The following TGM3 variants were observed in gnomAD, a reference collection of about 807,000 sequenced individuals.
TGM3 encodes protein-glutamine gamma-glutamyltransferase E.
TGM3 carries 52 observed loss-of-function variants against 73.8 expected under a neutral mutation model. The observed-to-expected ratio is 0.70, with a 90% confidence interval of 0.56 to 0.89. The LOEUF is 0.89. Ranked by LOEUF, TGM3 falls within the 40% of genes least tolerant of loss-of-function variation. The probability of loss-of-function intolerance (pLI) is 0.00; values close to 1 mark genes in which losing one functional copy is unlikely to be tolerated. For missense variants in TGM3, 928 were observed against 909.9 expected, an observed-to-expected ratio of 1.02 and a Z score of -0.26; for synonymous variants, 372 against 354.9, an observed-to-expected ratio of 1.05 and a Z score of -0.54.
At chr20:2,321,869 G>A (rs2084264651) in intron 7 of TGM3, among the ~76,000 whole-genome samples, 1 of 152,204 alleles carries the variant, frequency 6.6e-6, no homozygotes. Context: ...CATGAGGGAG[G>A]AACCAGGATG....
chr20:2,314,707 C>A (rs1243040909), intron 5 of TGM3, among the ~76,000 whole-genome samples: 1 of 151,798 alleles, frequency 6.6e-6, no homozygotes, highest in Non-Finnish European at 1.5e-5. Context: ...GGTGACACAG[C>A]AAAAGCCTAT....
chr20:2,317,136 C>T lies in TGM3; in HGVS notation c.738C>T (p.Asp246=). Residue 246 remains aspartate (D), a synonymous_variant, in exon 6 of 13, where the codon GAC becomes GAT. Transcript: ENST00000381458. ...NWSGTYTGGR[D]PRSWNGSVEI... ...GCGGCACTTACACCGGTGGCCGGGA[C>T]CCAAGGAGCTGGAACGGCAGCGTGG... 1 of 1,613,978 alleles carries T rather than the reference C, an allele frequency of 6.2e-7. No homozygotes were observed. The highest frequency in any genetic ancestry group is 8.5e-7 in the Non-Finnish European group (1 of 1,179,994).
intron 1 of TGM3, among the ~76,000 whole-genome samples, chr20:2,299,091 T>C (rs2084127740): frequency 6.6e-6 from 1 of 152,092 alleles, no homozygotes; most frequent in Non-Finnish European, 1.5e-5. Flanking sequence ...GCTCTCTGGA[T>C]CAAGGCTCCA....
At chr20:2,301,210 T>C (rs955798159) in intron 1 of TGM3, among the ~76,000 whole-genome samples, 4 of 151,568 alleles carry the variant, frequency 2.6e-5, no homozygotes, top group African/African-American at 9.7e-5. Context: ...AGATGGGTGC[T>C]GAGCAGGAAA....
intron 1 of TGM3, among the ~76,000 whole-genome samples, chr20:2,302,375 G>A (rs1249113376): frequency 1.3e-5 from 2 of 152,126 alleles, no homozygotes; most frequent in East Asian, 1.9e-4. Flanking sequence ...AATGGGCAGG[G>A]GTTATATTAA....
chr20:2,309,059 A>G (rs1444251995), intron 1 of TGM3, among the ~76,000 whole-genome samples: 3 of 152,086 alleles, frequency 2.0e-5, no homozygotes, highest in African/African-American at 7.2e-5. Context: ...TTGTATTTTT[A>G]GTAGAGATGG....
chr20:2,310,473 G>T, intron 3 of TGM3, 56 bp downstream of exon 3: 1 of 1,591,562 alleles, frequency 6.3e-7, no homozygotes. Flanking sequence ...AAAGAAAAAG[G>T]GGATGGGGGA....
At chr20:2,301,114 T>C (rs763123229) in intron 1 of TGM3, among the ~76,000 whole-genome samples, 1 of 151,966 alleles carries the variant, frequency 6.6e-6, no homozygotes, top group East Asian at 1.9e-4. Context: ...TTGTGCCACC[T>C]GTGCTGCACA....
chr20:2,312,586 T>C (rs969824640), intron 4 of TGM3, among the ~76,000 whole-genome samples: 1 of 152,152 alleles, frequency 6.6e-6, no homozygotes, highest in East Asian at 1.9e-4. Flanking sequence ...TAAGAGAGTT[T>C]GCACAAGGTC....
chr20:2,306,183 G>A (rs1296790729), intron 1 of TGM3, among the ~76,000 whole-genome samples: 1 of 152,172 alleles, frequency 6.6e-6, no homozygotes, highest in Non-Finnish European at 1.5e-5. Context: ...GTTGGGAGAG[G>A]CAGGTGCCAG....
chr20:2,338,307 A>G (rs1342464967), intron 11 of TGM3, among the ~76,000 whole-genome samples: 1 of 152,142 alleles, frequency 6.6e-6, no homozygotes, highest in Non-Finnish European at 1.5e-5. Flanking sequence ...CTCTGGGTAC[A>G]TTTACAGAGT....
rs773843165 is a variant in TGM3, at chr20:2,335,197, T to C, written c.1724T>C (p.Val575Ala). Residue 575 changes from valine (V) to alanine (A), a missense_variant, in exon 11 of 13, where the codon GTG (valine) becomes GCG (alanine). Coordinates refer to ENST00000381458, the MANE Select transcript of TGM3 (RefSeq NM_003245.4). ...KSDNMIRITA[V>A]CKVPDESEVV... The stretch of plus-strand genomic sequence containing the variant: ...GACAACATGATCCGGATCACAGCGG[T>C]GTGCAAGGTCCCAGATGAGTCTGAG... 3 of 1,614,198 alleles carry C rather than the reference T, an allele frequency of 1.9e-6. No individual in the cohort carries two copies. The South Asian group carries it at 3.3e-5, about 18-fold the overall frequency.
At chr20:2,335,497 C>T (rs891450585) in intron 11 of TGM3, among the ~76,000 whole-genome samples, 3 of 152,254 alleles carry the variant, frequency 2.0e-5, no homozygotes, top group African/African-American at 4.8e-5. Context: ...GTGAGATAAA[C>T]GCGTGCATTT....
chr20:2,314,246 G>T (rs373824483), intron 5 of TGM3, among the ~76,000 whole-genome samples: 1 of 152,034 alleles, frequency 6.6e-6, no homozygotes, highest in Admixed American at 6.6e-5. Flanking sequence ...TGAGGCAGGG[G>T]GATTACTTGA....
chr20:2,322,553 G>A (rs1320353214), intron 7 of TGM3, among the ~76,000 whole-genome samples: 1 of 152,156 alleles, frequency 6.6e-6, no homozygotes, highest in Non-Finnish European at 1.5e-5. Context: ...TGTAAAGTCA[G>A]GTTACATAAA....
At chr20:2,312,755 C>A in intron 4 of TGM3, 143 bp from the exon 5 acceptor site, 1 of 1,167,546 alleles carries the variant, frequency 8.6e-7, no homozygotes, top group Non-Finnish European at 1.2e-6. Flanking sequence ...GGCATGGTGG[C>A]TGTCCTCAGT....
chr20:2,339,680 G>A (rs2084369629), intron 11 of TGM3, among the ~76,000 whole-genome samples, 174 bp from the exon 12 acceptor site: 1 of 152,100 alleles, frequency 6.6e-6, no homozygotes, highest in African/African-American at 2.4e-5. Context: ...TGTATTGGGG[G>A]GCAGGGGGCG....
At chr20:2,308,681 C>G (rs2084187008) in intron 1 of TGM3, among the ~76,000 whole-genome samples, 1 of 152,204 alleles carries the variant, frequency 6.6e-6, no homozygotes, top group South Asian at 2.1e-4. Context: ...TGCTCAGAGT[C>G]TCCGCCAGCC....
intron 5 of TGM3, among the ~76,000 whole-genome samples, chr20:2,313,845 G>A (rs1434458456): frequency 6.6e-6 from 1 of 151,818 alleles, no homozygotes; most frequent in African/African-American, 2.4e-5. Flanking sequence ...CCTGGGTAAC[G>A]TAGTGAGACC....
Sources: gnomAD v4.1 joint callset for allele counts (sites outside exome capture counted in the v4.1 genomes callset) on GRCh38, gnomAD v4.1.1 for gene constraint, MANE v1.5 for transcripts, NCBI Gene and HGNC (gene_info 2026-07-23, HGNC 2026-07-21) for gene names.